The following CUBN variants were observed in gnomAD, a reference collection of about 807,000 sequenced individuals.
CUBN encodes the protein cubilin, also known as 460 kDa receptor.
CUBN carries 282 observed loss-of-function variants against 405.3 expected under a neutral mutation model. That is an observed-to-expected ratio of 0.70 (90% confidence interval 0.63 to 0.77). The LOEUF is 0.77. Ranked by LOEUF, CUBN falls within the 30% of genes least tolerant of loss-of-function variation. CUBN has a pLI of 0.00. For synonymous variants in CUBN, 1,684 were observed against 1,617.0 expected (o/e 1.04, Z -0.99); for missense variants, 4,514 against 4,475.2 (o/e 1.01, Z -0.25).
At chr10:17,104,315 C>T (rs1836567489) in intron 12 of CUBN, 104 bp downstream of exon 12, 1 of 975,848 alleles carries the variant, frequency 1.0e-6, no homozygotes, top group African/African-American at 1.6e-5. Context: ...ATCTGAGCAA[C>T]TGGACAAGAA....
rs74759719 is a variant in CUBN at position 16,988,902 on chromosome 10, C to T, written c.4350+1432G>A. Among the ~76,000 whole-genome samples, 928 of 152,216 alleles carry T rather than the reference C, an allele frequency of 6.1e-3. 17 individuals are homozygous for T. In the East Asian group the frequency reaches 0.07, roughly 11 times the overall value. ...CCACTGTAAAATGGGAATAAAATTC[C>T]CCTCTTACCTCATGGAACGATTTAA... On this transcript the variant is annotated intron_variant, in intron 29 of 66. Transcript: ENST00000377833.
intron 59 of CUBN, among the ~76,000 whole-genome samples, chr10:16,864,817 A>C (rs1296840000): frequency 6.0e-5 from 9 of 148,762 alleles, no homozygotes; most frequent in Non-Finnish European, 1.0e-4. Context: ...TGCCTGACTA[A>C]TTTTGTATTT....
chr10:16,903,348 G>A (rs1201031630), intron 51 of CUBN, among the ~76,000 whole-genome samples: 2 of 152,054 alleles, frequency 1.3e-5, no homozygotes, highest in East Asian at 1.9e-4. Flanking sequence ...ATAATAAAAT[G>A]TCATAGTCAC....
chr10:17,017,208 G>A (rs1304311354), intron 28 of CUBN, among the ~76,000 whole-genome samples: 2 of 152,138 alleles, frequency 1.3e-5, no homozygotes, highest in African/African-American at 4.8e-5. Context: ...CCTGGACCCT[G>A]CTGATCAGAA....
intron 59 of CUBN, among the ~76,000 whole-genome samples, chr10:16,854,776 T>G (rs1839819777): frequency 1.3e-5 from 2 of 152,218 alleles, no homozygotes; most frequent in South Asian, 4.1e-4. Context: ...ACACTTATTA[T>G]GTAGTACTAC....
intron 59 of CUBN, among the ~76,000 whole-genome samples, chr10:16,857,051 A>C (rs563485690): frequency 6.6e-6 from 1 of 152,332 alleles, no homozygotes; most frequent in South Asian, 2.1e-4. Flanking sequence ...ACATTCTACT[A>C]GGTTTCAGAC....
chr10:16,920,093 A>G lies in CUBN; in HGVS notation c.6691T>C (p.Tyr2231His). ...VYIHDADSAG[Y>H]VTSPNHPHNY... Reference sequence around the variant, plus strand: ...TGAGGGTGGTTGGGGGAGGTCACATACCCAGCAGAATCAGCATCATGGATG... The same window carrying G: ...TGAGGGTGGTTGGGGGAGGTCACATGCCCAGCAGAATCAGCATCATGGATG... Residue 2231 changes from tyrosine to histidine, a missense_variant, in exon 44 of 67, where the codon TAT becomes CAT. Physicochemically the swap from Tyr to His is moderately conservative, Grantham distance 83. Around this residue, in one of 5 missense-constraint regions of CUBN, gnomAD observed 1,613 missense variants for 1,542.8 expected, o/e 1.05. Coordinates refer to ENST00000377833, the MANE Select transcript of CUBN (RefSeq NM_001081.4). 6.2e-7 allele frequency: 1 copy of G among 1,613,984 alleles called. No individual in the cohort carries two copies. The highest frequency in any genetic ancestry group is 8.5e-7 in the Non-Finnish European group (1 of 1,179,952).
rs763128544 is a variant in CUBN at position 16,890,517 on chromosome 10, C to T, written c.8609G>A (p.Gly2870Glu). 2.5e-6 allele frequency: 4 copies of T among 1,614,160 alleles called. No individual in the cohort carries two copies. Among genetic ancestry groups the T allele is most frequent in the Middle Eastern group, 3.3e-4 (2 of 6,062 alleles). The change falls in exon 55 of 67, where the codon GGA (glycine) becomes GAA (glutamate). Residue 2870 changes from glycine to glutamate, a missense_variant. Gly to Glu is a moderately conservative substitution (Grantham distance 98). Transcript: ENST00000377833. The stretch of plus-strand genomic sequence containing the variant: ...CAGGGCTTTGTCCACCTCCTCAGTT[C>T]CTGCCCACACCTAGCACGGACATAC... The part of the protein sequence containing the change: ...CQNSFVKVWA[G>E]TEEVDKALLA...
Position 17,085,633 on chromosome 10 carries a change from C to T in CUBN, c.2074G>A (p.Asp692Asn). The change falls in exon 16 of 67, where the codon GAC becomes AAC. Residue 692 changes from aspartate to asparagine, a missense_variant. Transcript: ENST00000377833. ...AAGTAGGTGATATGGAAGCCTTGGT[C>T]ACTAATCTGGGAGTCTGAATGGAAG... ...IHFHSDSQIS[D>N]QGFHITYLTS... 1 of 1,614,068 alleles carries T rather than the reference C, an allele frequency of 6.2e-7. No homozygotes were observed. The highest frequency in any genetic ancestry group is 1.1e-5 in the South Asian group (1 of 91,054).
At chr10:17,088,138 T>A (rs1836166550) in intron 15 of CUBN, 26 bp downstream of exon 15, 2 of 1,568,222 alleles carry the variant, frequency 1.3e-6, no homozygotes, top group Non-Finnish European at 1.8e-6. Context: ...TATTGTGATA[T>A]GTTCTATCTA....
At chr10:17,084,164 G>T in intron 17 of CUBN, 107 bp downstream of exon 17, 1 of 1,071,334 alleles carries the variant, frequency 9.3e-7, no homozygotes, top group African/African-American at 1.6e-5. Flanking sequence ...CAAGCTCTCA[G>T]GTATTCTGGC....
intron 27 of CUBN, chr10:17,023,774 C>A: frequency 3.0e-6 from 1 of 338,596 alleles, no homozygotes; most frequent in Non-Finnish European, 6.2e-6. Context: ...GCGATTCTCA[C>A]CTTGAATATG....
chr10:16,906,106 C>T (rs537825275), intron 50 of CUBN, 97 bp downstream of exon 50: 4 of 998,156 alleles, frequency 4.0e-6, no homozygotes, highest in East Asian at 5.1e-5. Context: ...AGAGCAAGCT[C>T]CTGTCTCAAA....
At chr10:17,027,893 AATT>A (rs1427725924) in intron 27 of CUBN, among the ~76,000 whole-genome samples, 1 of 152,172 alleles carries the variant, frequency 6.6e-6, no homozygotes, top group African/African-American at 2.4e-5. Context: ...ATTTACAAAA[AATT>A]ATTTCTTTAT....
At chr10:16,939,861 T>C (rs1277526223) in intron 37 of CUBN, among the ~76,000 whole-genome samples, 171 bp downstream of exon 37, 2 of 152,220 alleles carry the variant, frequency 1.3e-5, no homozygotes, top group Non-Finnish European at 2.9e-5. Flanking sequence ...TATTGAGCCA[T>C]TCATATGCAA....
intron 8 of CUBN, among the ~76,000 whole-genome samples, chr10:17,111,449 C>G (rs1038332196): frequency 6.6e-6 from 1 of 152,108 alleles, no homozygotes; most frequent in Non-Finnish European, 1.5e-5. Flanking sequence ...AAGAGGATGT[C>G]TACCGCAGCA....
chr10:16,891,763 A>C (rs995324214), intron 54 of CUBN, among the ~76,000 whole-genome samples: 3 of 152,186 alleles, frequency 2.0e-5, no homozygotes, highest in South Asian at 2.1e-4. Context: ...AGCTCGTCCT[A>C]GTTCAGAGGT....
chr10:16,940,799 T>TA (rs1249527902), intron 36 of CUBN, among the ~76,000 whole-genome samples: 9 of 150,614 alleles, frequency 6.0e-5, no homozygotes, highest in East Asian at 1.9e-4. Flanking sequence ...AGGTAAATAA[T>TA]AAAAAAAAAG....
intron 31 of CUBN, among the ~76,000 whole-genome samples, chr10:16,962,334 G>T (rs1169183603): frequency 1.3e-5 from 2 of 152,034 alleles, no homozygotes; most frequent in African/African-American, 2.4e-5. Flanking sequence ...GAATTAGAAA[G>T]CTATGGAGGC....
Sources: allele counts gnomAD v4.1 joint callset (sites outside exome capture counted in the v4.1 genomes callset), GRCh38; gene constraint gnomAD v4.1.1; regional missense constraint gnomAD v4.1.1; transcripts MANE v1.5; gene names NCBI Gene and HGNC (gene_info 2026-07-23, HGNC 2026-07-21).